Variants in TCF7L2 observed in about 807,000 individuals in gnomAD.
TCF7L2 encodes transcription factor 7-like 2.
Under a neutral mutation model 77.9 loss-of-function variants are expected in TCF7L2, and 23 were observed. That is an observed-to-expected ratio of 0.30 (90% CI 0.21 to 0.42). The LOEUF (loss-of-function observed/expected upper bound fraction) is 0.42. TCF7L2 is among the 10% of genes least tolerant of loss of function. TCF7L2 has a pLI of 1.00. For synonymous variants in TCF7L2, 413 were observed against 340.2 expected (o/e 1.21, Z -2.36); for missense variants, 654 against 793.1 (o/e 0.82, Z 2.11).
intron 4 of TCF7L2, among the ~76,000 whole-genome samples, chr10:112,988,101 CGT>C (rs60216684): frequency 6.7e-6 from 1 of 148,508 alleles, no homozygotes; most frequent in Non-Finnish European, 1.5e-5. Context: ...CTGTGAATCC[CGT>C]GTGTGTGTGT....
At chr10:113,077,222 T>C (rs1199324969) in intron 5 of TCF7L2, among the ~76,000 whole-genome samples, 1 of 152,212 alleles carries the variant, frequency 6.6e-6, no homozygotes, top group African/African-American at 2.4e-5. Flanking sequence ...TCCTGCCTGT[T>C]TCCCAGAGTT....
At chr10:112,994,054 C>CA (rs762753537) in intron 4 of TCF7L2, among the ~76,000 whole-genome samples, 29,508 of 111,384 alleles carry the variant, frequency 0.26, 3,120 homozygotes, top group Non-Finnish European at 0.29. Flanking sequence ...GACTCTGTCT[C>CA]AAAAAAAAAA....
rs771090482 is a variant in TCF7L2, at chr10:113,158,009, C to A, written c.1270-12C>A. On this transcript the variant is annotated splice_polypyrimidine_tract_variant and intron_variant, in intron 11 of 13. Coordinates refer to ENST00000627217, the MANE Select transcript of TCF7L2 (RefSeq NM_001146274.2). ...CTTGCAGTAATTCCCTGTGTTTCAT[C>A]TCTTCATCTAGGGAAAGAAGAAGAA... 1 of 1,582,012 alleles carries A rather than the reference C, an allele frequency of 6.3e-7. No homozygotes were observed. Among genetic ancestry groups the A allele is most frequent in the African/African-American group, 1.3e-5 (1 of 74,400 alleles).
intron 5 of TCF7L2, 63 bp from the exon 6 acceptor site, chr10:113,141,121 C>T (rs2136831340): frequency 1.3e-6 from 2 of 1,595,938 alleles, no homozygotes; most frequent in Admixed American, 3.4e-5. Flanking sequence ...GGGCCCGGTG[C>T]TCTGAAGCCC....
rs1166075034 is a variant in TCF7L2, at chr10:112,965,615, CTGTGTGTGTGTATATGTGTG to C, written c.450+1003_450+1022del. ...GCAAGAGCCCTTGCAGATAACTTGT[CTGTGTGTGTGTATATGTGTG>C]TGTGTGTGTGTGTGTGTGTGTGTGT... On this transcript the variant is annotated intron_variant, in intron 4 of 13. Transcript: ENST00000627217. 5.6e-5 allele frequency among the ~76,000 whole-genome samples: 8 copies of C among 144,030 alleles called. No homozygotes were observed. In the East Asian group the frequency reaches 6.1e-4, roughly 11 times the overall value. The allele number at this position is 144,030 out of a possible 152,430, so 94.5% of individuals were successfully genotyped here. A position where few individuals can be genotyped will look rare whatever the true frequency, so the allele number is the denominator to read the frequency against.
chr10:113,076,506 T>C (rs754597412), intron 5 of TCF7L2, among the ~76,000 whole-genome samples: 1 of 152,208 alleles, frequency 6.6e-6, no homozygotes, highest in African/African-American at 2.4e-5. Flanking sequence ...CCCAAAATGC[T>C]AATTATTATT....
At position 112,984,732 on chromosome 10, in the gene TCF7L2, G is replaced by A. The variant is rs564193550; in HGVS notation, c.450+20108G>A. 3.2e-4 allele frequency among the ~76,000 whole-genome samples: 49 copies of A among 152,276 alleles called. 1 individual carries two copies. In the South Asian group the frequency reaches 5.8e-3, roughly 18 times the overall value. ...TTGAAGTTAGGGGCCCAGGAGCTCTGAACACTCCTAGGTCTGCTATTAAAT... is the reference window on the plus strand; with the variant it reads ...TTGAAGTTAGGGGCCCAGGAGCTCTAAACACTCCTAGGTCTGCTATTAAAT... On this transcript the variant is annotated intron_variant, in intron 4 of 13. Coordinates refer to ENST00000627217, the MANE Select transcript of TCF7L2 (RefSeq NM_001146274.2).
intron 7 of TCF7L2, among the ~76,000 whole-genome samples, chr10:113,145,084 G>A (rs952900549): frequency 1.3e-5 from 2 of 150,872 alleles, no homozygotes; most frequent in East Asian, 3.9e-4. Context: ...AATTCTACCC[G>A]TATTTCTCTA....
Position 113,042,192 on chromosome 10 carries a change from C to T in TCF7L2, c.552+2066C>T, listed in dbSNP as rs1028135966. ...TGGAGGAGATGGCAAAACATTCCTTCCAGAGCCTGTGTGGATTTTGGCCAG... is the reference window on the plus strand; with the variant it reads ...TGGAGGAGATGGCAAAACATTCCTTTCAGAGCCTGTGTGGATTTTGGCCAG... On this transcript the variant is annotated intron_variant, in intron 5 of 13. Transcript: ENST00000627217. 2.0e-5 allele frequency among the ~76,000 whole-genome samples: 3 copies of T among 152,208 alleles called. No individual in the cohort carries two copies. In the South Asian group the frequency reaches 6.2e-4, roughly 31 times the overall value.
intron 4 of TCF7L2, among the ~76,000 whole-genome samples, chr10:113,028,703 G>A (rs2049657242): frequency 6.6e-6 from 1 of 152,176 alleles, no homozygotes; most frequent in Non-Finnish European, 1.5e-5. Flanking sequence ...GTCTTTTGTT[G>A]TTGTGGAATG....
At chr10:113,049,988 G>C (rs1461511179) in intron 5 of TCF7L2, among the ~76,000 whole-genome samples, 1 of 152,212 alleles carries the variant, frequency 6.6e-6, no homozygotes, top group African/African-American at 2.4e-5. Flanking sequence ...GTGGGACCCA[G>C]ATGCTTCCCA....
chr10:113,010,559 C>T (rs753811890), intron 4 of TCF7L2, among the ~76,000 whole-genome samples: 9 of 152,186 alleles, frequency 5.9e-5, no homozygotes, highest in Non-Finnish European at 1.2e-4. Flanking sequence ...TAGACAGTAT[C>T]ATCTCCATTT....
At chr10:113,107,752 T>TAAAAAAAAA (rs398014821) in intron 5 of TCF7L2, among the ~76,000 whole-genome samples, 1,562 of 55,168 alleles carry the variant, frequency 0.028, 182 homozygotes, top group Non-Finnish European at 0.043. Context: ...AGACTCCGTC[T>TAAAAAAAAA]AAAAAAAAAA....
chr10:113,160,593 T>C, intron 12 of TCF7L2: 1 of 1,572,678 alleles, frequency 6.4e-7, no homozygotes, highest in South Asian at 1.2e-5. Context: ...TGTGTTGTAT[T>C]TTTTGTGTTT....
At chr10:113,052,582 A>C (rs778901450) in intron 5 of TCF7L2, among the ~76,000 whole-genome samples, 5 of 152,260 alleles carry the variant, frequency 3.3e-5, no homozygotes, top group Non-Finnish European at 2.9e-5. Flanking sequence ...GATGTACCCA[A>C]GGAAAAGGAC....
At chr10:113,072,499 C>T (rs1042495853) in intron 5 of TCF7L2, among the ~76,000 whole-genome samples, 8 of 152,122 alleles carry the variant, frequency 5.3e-5, no homozygotes, top group Non-Finnish European at 1.2e-4. Flanking sequence ...GGATTACAGG[C>T]GTGTGCCACC....
At chr10:113,114,477 G>A (rs1189502564) in intron 5 of TCF7L2, among the ~76,000 whole-genome samples, 63 of 152,198 alleles carry the variant, frequency 4.1e-4, no homozygotes, top group Non-Finnish European at 5.9e-5. Flanking sequence ...AATGGTGTGT[G>A]GGCTTAAGGA....
At chr10:113,073,668 G>A (rs1397260633) in intron 5 of TCF7L2, among the ~76,000 whole-genome samples, 22 of 151,668 alleles carry the variant, frequency 1.5e-4, no homozygotes, top group African/African-American at 5.3e-4. Flanking sequence ...CTCCAGCCTG[G>A]GCGACTGTGA....
At chr10:112,985,437 A>G (rs1010209111) in intron 4 of TCF7L2, among the ~76,000 whole-genome samples, 4 of 152,156 alleles carry the variant, frequency 2.6e-5, no homozygotes, top group African/African-American at 9.7e-5. Flanking sequence ...AAGACATATA[A>G]TATATAAACA....
Sources: allele counts gnomAD v4.1 joint callset (sites outside exome capture counted in the v4.1 genomes callset), GRCh38; gene constraint gnomAD v4.1.1; transcripts MANE v1.5; gene names NCBI Gene and HGNC (gene_info 2026-07-23, HGNC 2026-07-21).